The following PACRG variants were observed in gnomAD, a reference collection of about 807,000 sequenced individuals.
The protein encoded by PACRG is parkin coregulated gene protein.
Under a neutral mutation model 29.7 loss-of-function variants are expected in PACRG, and 29 were observed. The ratio of observed to expected loss-of-function variants is 0.98; its 90% CI spans 0.73 to 1.33. The LOEUF is 1.33. Ranked by LOEUF, PACRG falls within the 40% of genes most tolerant of loss-of-function variation. The probability of loss-of-function intolerance (pLI) is 0.00; values close to 1 mark genes in which losing one functional copy is unlikely to be tolerated. For synonymous variants in PACRG, 116 were observed against 118.7 expected, an observed-to-expected ratio of 0.98 and a Z score of 0.15; for missense variants, 279 against 316.2, an observed-to-expected ratio of 0.88 and a Z score of 0.89.
At position 163,111,485 on chromosome 6, in the gene PACRG, C is replaced by T. The variant is rs13217799; in HGVS notation, c.613+22077C>T. On this transcript the variant is annotated intron_variant, in intron 4 of 4. Coordinates refer to ENST00000366888, the MANE Select transcript of PACRG (RefSeq NM_001080379.2). ...GAACTGCCTGGAGCAAAATAATATTCAACCTTCAAATTTAATAACTGCATA... is the reference window on the plus strand; with the variant it reads ...GAACTGCCTGGAGCAAAATAATATTTAACCTTCAAATTTAATAACTGCATA... Among the ~76,000 whole-genome samples, 794 of 152,354 alleles carry T rather than the reference C, an allele frequency of 5.2e-3. 7 individuals carry two copies. Among genetic ancestry groups the T allele is most frequent in the Non-Finnish European group, 6.7e-3 (456 of 68,036 alleles).
intron 3 of PACRG, among the ~76,000 whole-genome samples, chr6:163,080,984 T>C (rs1355768448): frequency 2.0e-5 from 3 of 152,212 alleles, no homozygotes; most frequent in African/African-American, 7.2e-5. Flanking sequence ...CTGATCTAAA[T>C]CGATCATACT....
chr6:162,727,407 C>A (rs1779310727), upstream of PACRG: 1 of 478,578 alleles, frequency 2.1e-6, no homozygotes, highest in African/African-American at 2.1e-5. Context: ...CGCCTGGCGT[C>A]CCCGTCGAGG....
intron 4 of PACRG, among the ~76,000 whole-genome samples, chr6:163,145,679 C>G (rs1289949489): frequency 6.6e-6 from 1 of 152,220 alleles, no homozygotes; most frequent in East Asian, 1.9e-4. Context: ...GGACAGAAAG[C>G]GTCAGTACCT....
At chr6:162,781,141 AG>A in intron 1 of PACRG, among the ~76,000 whole-genome samples, 1 of 152,148 alleles carries the variant, frequency 6.6e-6, no homozygotes, top group Middle Eastern at 3.4e-3. Context: ...TAACAGACAT[AG>A]AAAAAATGAC....
chr6:162,947,362 G>GACA lies in PACRG; in HGVS notation c.292-114788_292-114787insACA, dbSNP rs1562765827. ...TATATAATGATTACATATATATAAT[G>GACA]TAATCATATATAATCATATATATAA... On this transcript the variant is annotated intron_variant, in intron 2 of 4. Coordinates refer to ENST00000366888, the MANE Select transcript of PACRG (RefSeq NM_001080379.2). 7.8e-4 allele frequency among the ~76,000 whole-genome samples: 43 copies of GACA among 54,908 alleles called. 2 individuals carry two copies. The highest frequency in any genetic ancestry group is 2.9e-3 in the African/African-American group (40 of 13,866). 36.0% of individuals were successfully genotyped at this position (54,908 alleles called of 152,430 possible). A position where few individuals can be genotyped will look rare whatever the true frequency, so the allele number is the denominator to read the frequency against.
chr6:163,016,434 ATT>A (rs374687175), intron 2 of PACRG, among the ~76,000 whole-genome samples: 9 of 145,316 alleles, frequency 6.2e-5, no homozygotes, highest in African/African-American at 1.8e-4. Flanking sequence ...CAGAGTCAAG[ATT>A]TTTTTTTTTT....
At chr6:163,252,499 A>G (rs1782948482) in intron 4 of PACRG, among the ~76,000 whole-genome samples, 1 of 152,170 alleles carries the variant, frequency 6.6e-6, no homozygotes, top group Non-Finnish European at 1.5e-5. Flanking sequence ...TGAGGAGGTG[A>G]CGCTTGAGGT....
intron 1 of PACRG, among the ~76,000 whole-genome samples, chr6:162,795,009 T>C (rs1297815895): frequency 6.6e-6 from 1 of 151,840 alleles, no homozygotes; most frequent in African/African-American, 2.4e-5. Flanking sequence ...GGGAGACCGT[T>C]ATTTTAAATG....
chr6:163,125,955 G>A (rs1483802821), intron 4 of PACRG, among the ~76,000 whole-genome samples: 3 of 152,148 alleles, frequency 2.0e-5, no homozygotes, highest in Non-Finnish European at 4.4e-5. Context: ...ACAGTTTATT[G>A]TAACATAAAA....
At chr6:163,035,691 G>C (rs1001187971) in intron 2 of PACRG, among the ~76,000 whole-genome samples, 1 of 150,214 alleles carries the variant, frequency 6.7e-6, no homozygotes. Context: ...GGTGGTGTGT[G>C]CCTGTAATCC....
chr6:162,977,710 G>C (rs1802075265), intron 2 of PACRG, among the ~76,000 whole-genome samples: 1 of 152,130 alleles, frequency 6.6e-6, no homozygotes. Flanking sequence ...TTATACTGCA[G>C]TTGGGAATAT....
At chr6:162,874,263 A>G (rs1181586493) in intron 2 of PACRG, among the ~76,000 whole-genome samples, 1 of 151,836 alleles carries the variant, frequency 6.6e-6, no homozygotes, top group African/African-American at 2.4e-5. Context: ...GGCTTAAAGA[A>G]CTTTTATTAA....
intron 1 of PACRG, among the ~76,000 whole-genome samples, chr6:162,734,823 A>G (rs1780036205): frequency 6.6e-6 from 1 of 152,210 alleles, no homozygotes; most frequent in South Asian, 2.1e-4. Context: ...AACCAAACAC[A>G]CTGATACAAC....
At chr6:162,987,367 C>A (rs143262797) in intron 2 of PACRG, among the ~76,000 whole-genome samples, 2,155 of 152,234 alleles carry the variant, frequency 0.014, 23 homozygotes, top group Non-Finnish European at 0.022. Context: ...GGTCTCCCAG[C>A]CATGGATACC....
At chr6:162,788,000 A>G (rs919541082) in intron 1 of PACRG, among the ~76,000 whole-genome samples, 1 of 152,118 alleles carries the variant, frequency 6.6e-6, no homozygotes, top group Non-Finnish European at 1.5e-5. Context: ...TACGTTTGTT[A>G]CAACTGATGA....
intron 4 of PACRG, among the ~76,000 whole-genome samples, chr6:163,214,366 TA>T: frequency 6.6e-6 from 1 of 152,282 alleles, no homozygotes; most frequent in East Asian, 1.9e-4. Flanking sequence ...CTCACACGTT[TA>T]TTTTTCCTTC....
chr6:163,179,241 G>A (rs1333913965), intron 4 of PACRG: 1 of 455,808 alleles, frequency 2.2e-6, no homozygotes. Context: ...AGGTTCTCCT[G>A]CCAACAAGCG....
chr6:162,943,638 G>A (rs896729370), intron 2 of PACRG, among the ~76,000 whole-genome samples: 1 of 152,084 alleles, frequency 6.6e-6, no homozygotes, highest in Non-Finnish European at 1.5e-5. Context: ...GGAGCCTGAG[G>A]ACAGACTCAC....
intron 1 of PACRG, among the ~76,000 whole-genome samples, chr6:162,773,662 C>G (rs1417235122): frequency 6.6e-6 from 1 of 151,384 alleles, no homozygotes; most frequent in Non-Finnish European, 1.5e-5. Context: ...CTACAGGCGC[C>G]CGCCACCGCG....
Sources: gnomAD v4.1 joint callset for allele counts (sites outside exome capture counted in the v4.1 genomes callset) on GRCh38, gnomAD v4.1.1 for gene constraint, MANE v1.5 for transcripts, NCBI Gene and HGNC (gene_info 2026-07-23, HGNC 2026-07-21) for gene names.